The following DHRS12 variants were observed in gnomAD, a reference collection of about 807,000 sequenced individuals.
DHRS12 encodes the protein dehydrogenase/reductase SDR family member 12.
In DHRS12, 29 loss-of-function variants were observed where a neutral mutation model predicts 32.1. The observed-to-expected ratio is 0.90, with a 90% CI of 0.67 to 1.23. The LOEUF (loss-of-function observed/expected upper bound fraction) is 1.23. Ranked by LOEUF, DHRS12 falls within the 50% of genes most tolerant of loss-of-function variation. The pLI is 0.00. For synonymous variants in DHRS12, 150 were observed against 135.9 expected, an observed-to-expected ratio of 1.10 and a Z score of -0.72; for missense variants, 330 against 337.2, an observed-to-expected ratio of 0.98 and a Z score of 0.17.
chr13:51,759,969 A>G, the DHRS12 span: 3 of 531,700 alleles, frequency 5.6e-6, no homozygotes, highest in Admixed American at 9.7e-5. Flanking sequence ...ACTTGTTCAT[A>G]CAATATAAAA....
intron 4 of DHRS12, among the ~76,000 whole-genome samples, chr13:51,787,255 A>C (rs899076639): frequency 2.0e-5 from 3 of 152,200 alleles, no homozygotes; most frequent in African/African-American, 4.8e-5. Context: ...GGTGCAACTT[A>C]ACCAGCTAAA....
chr13:51,759,854 C>A, the DHRS12 span: 2 of 1,425,866 alleles, frequency 1.4e-6, no homozygotes, highest in Non-Finnish European at 2.0e-6. Context: ...GTAAAGCAGA[C>A]ATGTGAGAAG....
intron 5 of DHRS12, 63 bp from the exon 6 acceptor site, chr13:51,774,097 C>G (rs1183749826): frequency 4.7e-6 from 7 of 1,483,946 alleles, no homozygotes; most frequent in Non-Finnish European, 5.6e-6. Flanking sequence ...TCTTCACCCC[C>G]TGTAGAGCAG....
chr13:51,769,358 TA>T, intron 7 of DHRS12, 65 bp from the exon 8 acceptor site: 1 of 1,240,304 alleles, frequency 8.1e-7, no homozygotes, highest in Middle Eastern at 2.3e-4. Context: ...TGACTTCCCT[TA>T]ATTTAAAAAA....
At chr13:51,774,219 T>G (rs1249741239) in intron 5 of DHRS12, 185 bp from the exon 6 acceptor site, 1 of 579,198 alleles carries the variant, frequency 1.7e-6, no homozygotes, top group Non-Finnish European at 3.1e-6. Context: ...TGTATTCTCC[T>G]ACAGTACATG....
In DHRS12 at chr13:51,773,775, C is replaced by A; in HGVS notation, c.468+155G>T. 3 of 655,362 alleles carry A rather than the reference C, an allele frequency of 4.6e-6. No homozygotes were observed. In the South Asian group the frequency reaches 5.7e-5, roughly 12 times the overall value. 40.6% of individuals were successfully genotyped at this position (655,362 alleles called of 1,614,324 possible). A position where few individuals can be genotyped will look rare whatever the true frequency, so the allele number is the denominator to read the frequency against. On this transcript the variant is annotated intron_variant, in intron 6 of 8. Transcript: ENST00000444610. ...ACATGGGTCTGAGCAGAGCTGTGCT[C>A]CCCAAAGGGGAGCCCTCTTGGTGAG...
chr13:51,780,900 G>A (rs1161152609), intron 4 of DHRS12, among the ~76,000 whole-genome samples: 1 of 152,182 alleles, frequency 6.6e-6, no homozygotes, highest in Non-Finnish European at 1.5e-5. Flanking sequence ...TTTAGCATAG[G>A]AAAACTGATT....
chr13:51,757,805 T>C, the DHRS12 span, among the ~76,000 whole-genome samples: 2 of 151,288 alleles, frequency 1.3e-5, no homozygotes, highest in African/African-American at 2.4e-5. Flanking sequence ...CTTAGTAATA[T>C]CATGGGACAC....
At chr13:51,768,509 A>G in intron 8 of DHRS12, 1 of 1,412,748 alleles carries the variant, frequency 7.1e-7, no homozygotes, top group Non-Finnish European at 9.2e-7. Flanking sequence ...GGCTGCAGCC[A>G]GGGCTGGACG....
rs186555809 is a variant in DHRS12 at position 51,785,359 on chromosome 13, C to A, written c.301+4652G>T. 4.8e-4 allele frequency among the ~76,000 whole-genome samples: 73 copies of A among 151,782 alleles called. 1 individual carries two copies. The highest frequency in any genetic ancestry group is 1.7e-3 in the African/African-American group (71 of 41,436). ...ATTGGAATGTAAAAAAAAAAACAAA[C>A]CCTTGTGGCAGATTATTGTTCAATA... On this transcript the variant is annotated intron_variant, in intron 4 of 8. Coordinates refer to ENST00000444610, the MANE Select transcript of DHRS12 (RefSeq NM_001377533.1).
chr13:51,762,846 C>T, the DHRS12 span: 1 of 152,256 alleles, frequency 6.6e-6, no homozygotes, highest in African/African-American at 2.4e-5. Context: ...CAGAGTTGTT[C>T]TCTACCTGAT....
intron 5 of DHRS12, chr13:51,775,979 A>ATGTATTCTACAGTATTCTCCTACAT: frequency 1.7e-5 from 2 of 117,842 alleles, no homozygotes; most frequent in African/African-American, 4.0e-5. Context: ...ATTCTCCTAC[A>ATGTATTCTACAGTATTCTCCTACAT]GTATTCTCCT....
At chr13:51,794,792 GTT>G (rs34797291) in intron 2 of DHRS12, among the ~76,000 whole-genome samples, 1,808 of 146,920 alleles carry the variant, frequency 0.012, 15 homozygotes, top group South Asian at 0.051. Context: ...TAAAATAGAA[GTT>G]TTTTTTTTTT....
In DHRS12 at chr13:51,769,144, G is replaced by A. The variant is rs1330400031; in HGVS notation, c.697+12C>T. 1.3e-6 allele frequency: 2 copies of A among 1,548,966 alleles called. No homozygotes were observed. Among genetic ancestry groups the A allele is most frequent in the African/African-American group, 1.4e-5 (1 of 73,110 alleles). On this transcript the variant is annotated intron_variant, in intron 8 of 8. Coordinates refer to ENST00000444610, the MANE Select transcript of DHRS12 (RefSeq NM_001377533.1). ...CTGTGTCAGCTGCCTTCACAGCCAG[G>A]GAGGAAGTCACCTTGAAAGAAGCGG...
At chr13:51,769,087 G>A (rs1214249202) in intron 8 of DHRS12, 69 bp downstream of exon 8, 1 of 1,544,830 alleles carries the variant, frequency 6.5e-7, no homozygotes. Context: ...AGGGGAAGGT[G>A]CGCCTCGAAG....
chr13:51,758,172 GCTTT>G, the DHRS12 span: 1 of 1,532,138 alleles, frequency 6.5e-7, no homozygotes, highest in African/African-American at 1.4e-5. Flanking sequence ...CCCCTCAGAA[GCTTT>G]CTTTGCTCCT....
chr13:51,777,384 C>T (rs1335851073), intron 4 of DHRS12: 4 of 487,664 alleles, frequency 8.2e-6, no homozygotes, highest in Non-Finnish European at 1.5e-5. Flanking sequence ...AAAAAGAAAA[C>T]TGCCAAACCG....
At chr13:51,758,148 T>G in the DHRS12 span, 1 of 1,472,104 alleles carries the variant, frequency 6.8e-7, no homozygotes, top group Admixed American at 1.7e-5. Flanking sequence ...CTCATTCATA[T>G]GTCACCACCT....
intron 6 of DHRS12, among the ~76,000 whole-genome samples, chr13:51,772,234 T>C (rs1954061262): frequency 6.6e-6 from 1 of 152,100 alleles, no homozygotes; most frequent in Admixed American, 6.6e-5. Context: ...GTCGCCTGGG[T>C]GACTCTATTC....
Sources: gnomAD v4.1 joint callset for allele counts (sites outside exome capture counted in the v4.1 genomes callset) on GRCh38, gnomAD v4.1.1 for gene constraint, MANE v1.5 for transcripts, NCBI Gene and HGNC (gene_info 2026-07-23, HGNC 2026-07-21) for gene names.